The following LPCAT3 variants were observed in gnomAD, a reference collection of about 807,000 sequenced individuals.
LPCAT3 encodes the protein lysophospholipid acyltransferase 5.
In LPCAT3, 21 loss-of-function variants were observed where a neutral mutation model predicts 63.4. That is an observed-to-expected ratio of 0.33 (90% CI 0.23 to 0.48). LPCAT3 has a LOEUF of 0.48. Among genes scored for constraint, LPCAT3 ranks in the 20% least tolerant of loss-of-function variants. The pLI, the probability that LPCAT3 is intolerant of heterozygous loss-of-function variation, is 0.99. For missense variants in LPCAT3, 451 were observed against 590.6 expected, an observed-to-expected ratio of 0.76 and a Z score of 2.45; for synonymous variants, 242 against 227.5, an observed-to-expected ratio of 1.06 and a Z score of -0.58.
intron 1 of LPCAT3, among the ~76,000 whole-genome samples, chr12:6,984,898 C>G (rs782186902): frequency 1.3e-5 from 2 of 152,112 alleles, no homozygotes; most frequent in Non-Finnish European, 2.9e-5. Context: ...TGCTGCGATT[C>G]TTGCTTTTAA....
intron 9 of LPCAT3, 31 bp downstream of exon 9, chr12:6,978,310 C>T (rs781963770): frequency 4.4e-5 from 69 of 1,583,384 alleles, no homozygotes; most frequent in Admixed American, 8.7e-5. Context: ...AAGGAAGGAA[C>T]CAGGGTCCAG....
chr12:6,985,256 T>C (rs200387348), intron 1 of LPCAT3, among the ~76,000 whole-genome samples: 1 of 146,500 alleles, frequency 6.8e-6, no homozygotes, highest in Non-Finnish European at 1.5e-5. Context: ...ATTAGCCGGG[T>C]GTGGTGGCGG....
intron 1 of LPCAT3, among the ~76,000 whole-genome samples, chr12:7,000,106 G>C (rs2138352241): frequency 6.6e-6 from 1 of 151,612 alleles, no homozygotes; most frequent in Non-Finnish European, 1.5e-5. Flanking sequence ...TTTTAGTAGA[G>C]ATGGGGTTTC....
intron 1 of LPCAT3, among the ~76,000 whole-genome samples, chr12:6,999,642 CAGAG>C (rs782695173): frequency 1.8e-4 from 27 of 152,292 alleles, no homozygotes; most frequent in South Asian, 2.1e-4. Context: ...AATGTATAGA[CAGAG>C]AGAATGTTAA....
At chr12:7,009,103 C>T (rs1329598970) in intron 1 of LPCAT3, among the ~76,000 whole-genome samples, 2 of 152,042 alleles carry the variant, frequency 1.3e-5, no homozygotes, top group Non-Finnish European at 1.5e-5. Context: ...TTTCTGTCAC[C>T]CAGGCTGGAG....
Position 6,977,813 on chromosome 12 carries a change from G to T in LPCAT3, c.1041-68C>A. 1 of 1,587,394 alleles carries T rather than the reference G, an allele frequency of 6.3e-7. No individual in the cohort carries two copies. Among genetic ancestry groups the T allele is most frequent in the South Asian group, 1.1e-5 (1 of 88,360 alleles). ...CCTTGCATCCCGCCACCTGCCTCTGGGTCCTCACCCTGAGGATTGGATTGG... is the reference window on the plus strand; with the variant it reads ...CCTTGCATCCCGCCACCTGCCTCTGTGTCCTCACCCTGAGGATTGGATTGG... On this transcript the variant is annotated intron_variant, in intron 9 of 12. Transcript: ENST00000261407. This position sits in a 1 kb window ranked among gnomAD's most constrained non-coding sequence, Gnocchi z 4.5.
chr12:6,996,267 T>C (rs1278690170), intron 1 of LPCAT3, among the ~76,000 whole-genome samples: 4 of 152,200 alleles, frequency 2.6e-5, no homozygotes, highest in Non-Finnish European at 5.9e-5. Context: ...ACAGATAAGC[T>C]CAAATCCTTC....
Position 6,982,633 on chromosome 12 carries a change from C to T in LPCAT3, c.366+43G>A, listed in dbSNP as rs373430072. 2.3e-5 allele frequency: 34 copies of T among 1,460,748 alleles called. 1 individual carries two copies. The highest frequency in any genetic ancestry group is 9.1e-5 in the East Asian group (4 of 44,076). 90.5% of individuals were successfully genotyped at this position (1,460,748 alleles called of 1,614,324 possible). On this transcript the variant is annotated intron_variant, in intron 3 of 12. Coordinates refer to ENST00000261407, the MANE Select transcript of LPCAT3 (RefSeq NM_005768.6). ...CCCTGCCTACCCCTGTCCCCTGAAC[C>T]GCTGTCAGCTGTAGCCTGAGCTGCT...
intron 1 of LPCAT3, among the ~76,000 whole-genome samples, chr12:7,011,015 AATTT>A (rs1390089680): frequency 6.6e-6 from 1 of 151,952 alleles, no homozygotes; most frequent in Admixed American, 6.6e-5. Context: ...TTAAAAACAA[AATTT>A]ATTTATTTAT....
intron 1 of LPCAT3, among the ~76,000 whole-genome samples, chr12:6,984,471 G>A (rs1946502334): frequency 6.6e-6 from 1 of 152,234 alleles, no homozygotes; most frequent in African/African-American, 2.4e-5. Flanking sequence ...CTGCACTAGT[G>A]CATATGTGGA....
chr12:6,982,824 C>G (rs782171184), intron 2 of LPCAT3, 42 bp from the exon 3 acceptor site: 1 of 1,331,618 alleles, frequency 7.5e-7, no homozygotes. Flanking sequence ...TTTTACACTC[C>G]CACCGTCCTG....
rs1352015784 is a variant in LPCAT3 at position 6,978,341 on chromosome 12, C to T, written c.1040G>A (p.Arg347His). ...FNINTNAWVA[R>H]YIFKRLKFLG... ...TCCAGGCTCCCCACCAGCAGCTCAC[C>T]GGGCCACCCAGGCGTTGGTGTTGAT... Residue 347 changes from arginine (R) to histidine (H), a missense_variant and splice_region_variant, in exon 9 of 13, where the codon CGC becomes CAC. By Grantham distance (29) the Arg-to-His change is conservative (BLOSUM62 0). This residue lies in a region of LPCAT3 where 304 missense variants were observed against 390.8 expected (regional missense o/e 0.78). Transcript: ENST00000261407. The T allele has an allele frequency of 3.1e-6, 5 of 1,604,568 alleles. No homozygotes were observed. Among genetic ancestry groups the T allele is most frequent in the East Asian group, 2.2e-5 (1 of 44,774 alleles).
chr12:7,016,347 G>A (rs1349594506), intron 1 of LPCAT3, among the ~76,000 whole-genome samples: 1 of 151,384 alleles, frequency 6.6e-6, no homozygotes, highest in East Asian at 1.9e-4. Flanking sequence ...AGCTAACTTG[G>A]CTCACTACAA....
At position 6,978,690 on chromosome 12, in the gene LPCAT3, C is replaced by T. The variant is rs1555153655; in HGVS notation, c.787-1G>A. ...TGCAGCGGAACCAGAAGGGGTGGTT[C>T]TTGAGGGAAGAAAGCACAGTGCATT... On this transcript the variant is annotated splice_acceptor_variant, in intron 7 of 12. Coordinates refer to ENST00000261407, the MANE Select transcript of LPCAT3 (RefSeq NM_005768.6). LOFTEE classifies it high-confidence loss of function. 1 of 1,614,112 alleles carries T rather than the reference C, an allele frequency of 6.2e-7. No individual in the cohort carries two copies. Among genetic ancestry groups the T allele is most frequent in the African/African-American group, 1.3e-5 (1 of 75,038 alleles).
At chr12:6,992,827 A>C (rs1488259013) in intron 1 of LPCAT3, among the ~76,000 whole-genome samples, 1 of 152,222 alleles carries the variant, frequency 6.6e-6, no homozygotes, top group Non-Finnish European at 1.5e-5. Context: ...CAGACACCAC[A>C]GATGCTCAAG....
At chr12:6,994,007 T>G (rs1218275505) in intron 1 of LPCAT3, among the ~76,000 whole-genome samples, 2 of 152,204 alleles carry the variant, frequency 1.3e-5, no homozygotes, top group Non-Finnish European at 2.9e-5. Flanking sequence ...CTACAAACAT[T>G]CATGCATTTT....
At chr12:6,983,092 TG>T (rs1946487447) in intron 2 of LPCAT3, 2 of 518,396 alleles carry the variant, frequency 3.9e-6, no homozygotes, top group South Asian at 3.4e-5. Flanking sequence ...ACACCCAGCT[TG>T]TTACTGTATT....
chr12:6,977,167 C>T lies in LPCAT3; in HGVS notation c.1443G>A (p.Glu481=), dbSNP rs147121292. 311 of 1,611,158 alleles carry T rather than the reference C, an allele frequency of 1.9e-4. No homozygotes were observed. The highest frequency in any genetic ancestry group is 2.4e-4 in the Non-Finnish European group (284 of 1,177,410). ...YIHKAMVPRK[E]KLKKME ...TGGATTATTCCATCTTCTTTAACTT[C>T]TCTTTCCTTGGCACCATTGCTTTGT... The change falls in exon 12 of 13, where the codon GAG becomes GAA. Residue 481 remains glutamate, a synonymous_variant. Transcript: ENST00000261407. This position sits in a 1 kb window ranked among gnomAD's most constrained non-coding sequence, Gnocchi z 4.5.
intron 1 of LPCAT3, among the ~76,000 whole-genome samples, chr12:6,988,671 C>T (rs1796170658): frequency 6.6e-6 from 1 of 152,204 alleles, no homozygotes; most frequent in South Asian, 2.1e-4. Flanking sequence ...GTGGGAAGGA[C>T]TTCCACTTTT....
Sources: gnomAD v4.1 joint callset for allele counts (sites outside exome capture counted in the v4.1 genomes callset) on GRCh38, gnomAD v4.1.1 for gene constraint, gnomAD v4.1.1 regional missense constraint, Gnocchi (gnomAD v3.1) non-coding constraint, MANE v1.5 for transcripts, NCBI Gene and HGNC (gene_info 2026-07-23, HGNC 2026-07-21) for gene names.